The following C12orf42 variants were observed in gnomAD, a reference collection of about 807,000 sequenced individuals.
C12orf42 encodes the protein uncharacterized protein C12orf42.
A neutral mutation model predicts 21.6 loss-of-function variants in C12orf42; 25 were observed. The observed-to-expected ratio is 1.16, with a 90% CI of 0.84 to 1.62. C12orf42 has a LOEUF of 1.62. Ranked by LOEUF, C12orf42 falls within the 40% of genes most tolerant of loss-of-function variation. C12orf42 has a pLI of 0.00. For missense variants in C12orf42, 483 were observed against 459.3 expected, an observed-to-expected ratio of 1.05 and a Z score of -0.47; for synonymous variants, 174 against 175.0, an observed-to-expected ratio of 0.99 and a Z score of 0.05.
chr12:103,234,281 T>A (rs1343659008), downstream of C12orf42, among the ~76,000 whole-genome samples: 1 of 152,190 alleles, frequency 6.6e-6, no homozygotes, highest in East Asian at 1.9e-4. Context: ...TGTGCTTAGG[T>A]ACAATATTCC....
the C12orf42 span, among the ~76,000 whole-genome samples, chr12:103,135,266 G>C: frequency 1.3e-5 from 2 of 152,004 alleles, no homozygotes; most frequent in South Asian, 4.2e-4. Context: ...ACCAGCCTGG[G>C]CAACATGGCA....
chr12:103,290,009 C>A (rs1269517030), intron 4 of C12orf42, among the ~76,000 whole-genome samples: 1 of 152,098 alleles, frequency 6.6e-6, no homozygotes, highest in East Asian at 1.9e-4. Context: ...TGCACTAATG[C>A]CTGCCTCCCC....
chr12:103,342,036 T>C (rs974358787), intron 4 of C12orf42, among the ~76,000 whole-genome samples: 1 of 151,978 alleles, frequency 6.6e-6, no homozygotes, highest in African/African-American at 2.4e-5. Context: ...GAGAGAGAGA[T>C]CTATTATAAA....
chr12:103,281,819 C>A (rs1014060453), intron 4 of C12orf42, among the ~76,000 whole-genome samples: 1 of 149,648 alleles, frequency 6.7e-6, no homozygotes, highest in Non-Finnish European at 1.5e-5. Context: ...TTGTTTCCTG[C>A]TAGTGTGAAA....
At chr12:103,357,347 T>C (rs1474042618) in intron 4 of C12orf42, among the ~76,000 whole-genome samples, 1 of 151,700 alleles carries the variant, frequency 6.6e-6, no homozygotes, top group African/African-American at 2.4e-5. Flanking sequence ...GAGATGTAGC[T>C]TTATAATGTT....
intron 4 of C12orf42, among the ~76,000 whole-genome samples, chr12:103,368,663 T>C (rs1451915590): frequency 6.6e-6 from 1 of 152,086 alleles, no homozygotes. Context: ...ATTAATAAAA[T>C]GAAATTAATC....
At chr12:103,534,104 C>T in the C12orf42 span, among the ~76,000 whole-genome samples, 1 of 152,188 alleles carries the variant, frequency 6.6e-6, no homozygotes, top group Non-Finnish European at 1.5e-5. Context: ...GATTAAGGAC[C>T]TATATCTCTG....
chr12:103,510,849 C>G, the C12orf42 span, among the ~76,000 whole-genome samples: 2 of 152,304 alleles, frequency 1.3e-5, no homozygotes, highest in East Asian at 3.9e-4. Context: ...TTAATCCCAG[C>G]TGCACAGGCT....
At chr12:103,559,201 A>G in the C12orf42 span, 1 of 152,256 alleles carries the variant, frequency 6.6e-6, no homozygotes, top group Non-Finnish European at 1.5e-5. Flanking sequence ...TGAGTAGCCA[A>G]CATCAATCCT....
the C12orf42 span, among the ~76,000 whole-genome samples, chr12:103,089,992 A>G: frequency 3.3e-5 from 5 of 152,236 alleles, no homozygotes; most frequent in Non-Finnish European, 5.9e-5. Flanking sequence ...ACCCACACAC[A>G]CTGTATTAGA....
At chr12:103,449,081 T>TGATA (rs56702467) in intron 2 of C12orf42, among the ~76,000 whole-genome samples, 21,822 of 146,480 alleles carry the variant, frequency 0.15, 1,700 homozygotes, top group Non-Finnish European at 0.17. Context: ...AAAGAAAATA[T>TGATA]GATAGATAGA....
the C12orf42 span, among the ~76,000 whole-genome samples, chr12:103,116,288 T>A: frequency 4.0e-5 from 6 of 150,690 alleles, no homozygotes; most frequent in African/African-American, 1.5e-4. Flanking sequence ...CGCTTGAACC[T>A]GGGAGGCAGA....
At chr12:103,067,224 A>C in the C12orf42 span, among the ~76,000 whole-genome samples, 42 of 152,302 alleles carry the variant, frequency 2.8e-4, no homozygotes, top group African/African-American at 6.7e-4. Context: ...CCTATCCTGC[A>C]CCCAATGCTT....
At chr12:103,361,436 C>A (rs759690533) in intron 4 of C12orf42, among the ~76,000 whole-genome samples, 2 of 152,064 alleles carry the variant, frequency 1.3e-5, no homozygotes, top group Non-Finnish European at 2.9e-5. Flanking sequence ...TTGGGGAGGG[C>A]TGCCAGAGGT....
At chr12:103,298,805 AG>A (rs1340193242), downstream of C12orf42, among the ~76,000 whole-genome samples, 1 of 152,204 alleles carries the variant, frequency 6.6e-6, no homozygotes, top group African/African-American at 2.4e-5. Context: ...TAATCTTAAA[AG>A]TGCTGCCATC....
At chr12:103,391,731 A>G (rs183113195) in intron 3 of C12orf42, among the ~76,000 whole-genome samples, 198 of 151,428 alleles carry the variant, frequency 1.3e-3, no homozygotes, top group African/African-American at 4.5e-3. Context: ...GTGTGTGTGT[A>G]TATATATATG....
chr12:103,544,247 G>A, the C12orf42 span, among the ~76,000 whole-genome samples: 2 of 152,036 alleles, frequency 1.3e-5, no homozygotes, highest in African/African-American at 4.8e-5. Flanking sequence ...TCCTAAACAT[G>A]TCTTTATTTC....
At chr12:103,143,882 T>C in the C12orf42 span, among the ~76,000 whole-genome samples, 1 of 152,226 alleles carries the variant, frequency 6.6e-6, no homozygotes, top group African/African-American at 2.4e-5. Context: ...GATTTTTATA[T>C]CTCTAGTCTC....
In C12orf42 at chr12:103,467,737, T is replaced by G. The variant is rs1953260968; in HGVS notation, c.78+10612A>C. ...ATTGCCATAAGTAATTTAAAAGATT[T>G]GTTTTTCAATGACACAAAACCTCAT... On this transcript the variant is annotated intron_variant, in intron 2 of 5. Transcript: ENST00000548883. 3.3e-5 allele frequency among the ~76,000 whole-genome samples: 5 copies of G among 152,228 alleles called. No individual in the cohort carries two copies. In the South Asian group the frequency reaches 1.0e-3, roughly 31 times the overall value.
Sources: allele counts gnomAD v4.1 joint callset (sites outside exome capture counted in the v4.1 genomes callset), GRCh38; gene constraint gnomAD v4.1.1; transcripts MANE v1.5; gene names NCBI Gene and HGNC (gene_info 2026-07-23, HGNC 2026-07-21).